Variants in SLC24A3 observed in about 807,000 individuals in gnomAD.
The protein encoded by SLC24A3 is solute carrier family 24 member 3.
Under a neutral mutation model 75.8 loss-of-function variants are expected in SLC24A3, and 28 were observed. That is an observed-to-expected ratio of 0.37 (90% CI 0.27 to 0.51). The LOEUF (loss-of-function observed/expected upper bound fraction) is 0.51, where lower values mean the gene tolerates loss of function less well. Ranked by LOEUF, SLC24A3 falls within the 20% of genes least tolerant of loss-of-function variation. The pLI, the probability that SLC24A3 is intolerant of heterozygous loss-of-function variation, is 0.94. For synonymous variants in SLC24A3, 372 were observed against 334.1 expected (o/e 1.11, Z -1.24); for missense variants, 663 against 847.8 (o/e 0.78, Z 2.71).
intron 2 of SLC24A3, among the ~76,000 whole-genome samples, chr20:19,492,182 A>G (rs1988219004): frequency 6.6e-6 from 1 of 152,192 alleles, no homozygotes; most frequent in Non-Finnish European, 1.5e-5. Context: ...TGACAAGGCC[A>G]TGGATATTCT....
intron 2 of SLC24A3, among the ~76,000 whole-genome samples, chr20:19,467,847 C>T (rs184234176): frequency 1.2e-3 from 186 of 150,872 alleles, no homozygotes; most frequent in Non-Finnish European, 2.3e-3. Context: ...CACCACTGCA[C>T]TCCAGCCTGG....
intron 1 of SLC24A3, among the ~76,000 whole-genome samples, chr20:19,270,648 T>C (rs1983297908): frequency 6.6e-6 from 1 of 152,224 alleles, no homozygotes; most frequent in South Asian, 2.1e-4. Flanking sequence ...TCTGGTCTTA[T>C]TACCTAATTA....
intron 6 of SLC24A3, among the ~76,000 whole-genome samples, chr20:19,641,604 T>A (rs2032075968): frequency 1.3e-5 from 2 of 152,096 alleles, no homozygotes; most frequent in Non-Finnish European, 2.9e-5. Flanking sequence ...TATTTCTCAT[T>A]TTTTATTGTC....
chr20:19,464,674 C>A (rs182916821), intron 2 of SLC24A3, among the ~76,000 whole-genome samples: 4 of 152,204 alleles, frequency 2.6e-5, no homozygotes, highest in Non-Finnish European at 4.4e-5. Flanking sequence ...AGTCTACATA[C>A]AGAGTACATT....
At chr20:19,414,190 A>T (rs551094862) in intron 2 of SLC24A3, among the ~76,000 whole-genome samples, 1 of 152,218 alleles carries the variant, frequency 6.6e-6, no homozygotes, top group Non-Finnish European at 1.5e-5. Flanking sequence ...GTAGAATGTC[A>T]TGTGCTACTC....
chr20:19,551,732 C>T (rs531076921), intron 3 of SLC24A3, among the ~76,000 whole-genome samples: 27 of 152,262 alleles, frequency 1.8e-4, no homozygotes, highest in African/African-American at 6.5e-4. Context: ...AGGCTCTTCC[C>T]TCCTTTCTTC....
At chr20:19,374,013 T>C (rs984969030) in intron 2 of SLC24A3, among the ~76,000 whole-genome samples, 1 of 152,322 alleles carries the variant, frequency 6.6e-6, no homozygotes, top group East Asian at 1.9e-4. Context: ...TGGCCACTAA[T>C]GTCCATTTTT....
chr20:19,391,146 G>GT (rs1256583811), intron 2 of SLC24A3, among the ~76,000 whole-genome samples: 3 of 152,226 alleles, frequency 2.0e-5, no homozygotes, highest in African/African-American at 7.2e-5. Context: ...TTGTTCTGGT[G>GT]TTTAACAGAT....
At chr20:19,316,554 C>G (rs1163547880) in intron 2 of SLC24A3, among the ~76,000 whole-genome samples, 1 of 152,194 alleles carries the variant, frequency 6.6e-6, no homozygotes, top group African/African-American at 2.4e-5. Context: ...AAATGTCTAG[C>G]ATTTTCAAAA....
chr20:19,680,114 GTGTC>G (rs1019858355), intron 9 of SLC24A3, among the ~76,000 whole-genome samples: 12 of 132,222 alleles, frequency 9.1e-5, no homozygotes, highest in African/African-American at 3.5e-4. Flanking sequence ...GTGTGTGTCT[GTGTC>G]TGTGTGTGTG....
intron 2 of SLC24A3, among the ~76,000 whole-genome samples, chr20:19,299,194 GTGTA>G (rs1320196925): frequency 1.5e-4 from 21 of 139,202 alleles, no homozygotes; most frequent in African/African-American, 5.2e-4. Context: ...GTGTGTGTGT[GTGTA>G]TGTGTGTGTG....
intron 2 of SLC24A3, among the ~76,000 whole-genome samples, chr20:19,504,981 A>G (rs988336330): frequency 2.0e-5 from 3 of 152,244 alleles, no homozygotes; most frequent in Admixed American, 6.5e-5. Flanking sequence ...GCTCAAAGAC[A>G]TGAGCAGCAC....
intron 1 of SLC24A3, among the ~76,000 whole-genome samples, chr20:19,223,715 T>C (rs1229075733): frequency 2.0e-5 from 3 of 152,222 alleles, no homozygotes; most frequent in East Asian, 3.9e-4. Context: ...GTGCTCACCC[T>C]TCTGGTGATG....
intron 2 of SLC24A3, among the ~76,000 whole-genome samples, chr20:19,423,484 G>GC (rs1986950666): frequency 6.6e-6 from 1 of 152,200 alleles, no homozygotes; most frequent in Admixed American, 6.5e-5. Flanking sequence ...CTAAGCAGGA[G>GC]CCCCCGGGAG....
At chr20:19,720,730 G>T (rs1248643273) in intron 16 of SLC24A3, among the ~76,000 whole-genome samples, 4 of 152,140 alleles carry the variant, frequency 2.6e-5, no homozygotes, top group African/African-American at 9.7e-5. Flanking sequence ...TGGCTGCTGG[G>T]ATGTGCTTGT....
chr20:19,312,582 T>C (rs1418078251), intron 2 of SLC24A3, among the ~76,000 whole-genome samples: 2 of 152,212 alleles, frequency 1.3e-5, no homozygotes, highest in Admixed American at 6.5e-5. Context: ...CTCTTCCTAT[T>C]CATTCACAAG....
At chr20:19,476,968 T>C (rs1022548054) in intron 2 of SLC24A3, among the ~76,000 whole-genome samples, 1 of 152,140 alleles carries the variant, frequency 6.6e-6, no homozygotes, top group Non-Finnish European at 1.5e-5. Flanking sequence ...TAAGGGCTCG[T>C]TTTTCTTGCT....
At chr20:19,266,735 A>G (rs1244394011) in intron 1 of SLC24A3, among the ~76,000 whole-genome samples, 7 of 152,242 alleles carry the variant, frequency 4.6e-5, no homozygotes, top group Admixed American at 3.9e-4. Flanking sequence ...AGATGTATGA[A>G]AAATACAAGT....
At chr20:19,586,136 T>G (rs905911432) in intron 6 of SLC24A3, among the ~76,000 whole-genome samples, 11 of 152,300 alleles carry the variant, frequency 7.2e-5, no homozygotes, top group African/African-American at 2.6e-4. Flanking sequence ...GAGTTCTTTA[T>G]GAATACTGGC....
Sources: allele counts gnomAD v4.1 joint callset (sites outside exome capture counted in the v4.1 genomes callset), GRCh38; gene constraint gnomAD v4.1.1; transcripts MANE v1.5; gene names NCBI Gene and HGNC (gene_info 2026-07-23, HGNC 2026-07-21).